LARGE1: variants seen among roughly 807,000 people sequenced by gnomAD.
LARGE1 encodes the protein xylosyl- and glucuronyltransferase LARGE1.
LARGE1 carries 43 observed loss-of-function variants against 87.6 expected under a neutral mutation model. The ratio of observed to expected loss-of-function variants is 0.49; its 90% CI spans 0.38 to 0.63. LARGE1 has a LOEUF of 0.63. LARGE1 is among the 30% of genes least tolerant of loss of function. The pLI, the probability that LARGE1 is intolerant of heterozygous loss-of-function variation, is 0.00. For synonymous variants in LARGE1, 434 were observed against 394.6 expected (o/e 1.10, Z -1.18); for missense variants, 802 against 1,000.2 (o/e 0.80, Z 2.67).
intron 2 of LARGE1, among the ~76,000 whole-genome samples, chr22:33,651,225 C>CAAAGAAAAAAAAAAAAAA (rs2080796120): frequency 1.8e-5 from 1 of 56,574 alleles, no homozygotes; most frequent in East Asian, 4.6e-4. Flanking sequence ...ACTAAAAATA[C>CAAAGAAAAAAAAAAAAAA]AAAAAAAAAA....
intron 10 of LARGE1, among the ~76,000 whole-genome samples, chr22:33,330,525 A>C (rs1937596515): frequency 2.6e-5 from 4 of 152,156 alleles, no homozygotes; most frequent in African/African-American, 9.7e-5. Flanking sequence ...GTTGTTGAGG[A>C]AAAGGGAGAG....
chr22:33,400,418 C>A (rs1205219419), intron 7 of LARGE1, among the ~76,000 whole-genome samples: 1 of 152,200 alleles, frequency 6.6e-6, no homozygotes, highest in East Asian at 1.9e-4. Flanking sequence ...GGGTCTGACA[C>A]CCCATGGGCT....
At chr22:33,371,272 A>G (rs1228437547) in intron 9 of LARGE1, among the ~76,000 whole-genome samples, 1 of 152,168 alleles carries the variant, frequency 6.6e-6, no homozygotes, top group Non-Finnish European at 1.5e-5. Context: ...CTGTGACTTA[A>G]ATAAAACTTT....
intron 1 of LARGE1, among the ~76,000 whole-genome samples, chr22:33,900,315 T>G (rs567940020): frequency 6.6e-6 from 1 of 152,326 alleles, no homozygotes; most frequent in African/African-American, 2.4e-5. Flanking sequence ...CACTCTACGT[T>G]TCCACCAAAC....
intron 1 of LARGE1, among the ~76,000 whole-genome samples, chr22:33,815,821 T>C (rs2086632564): frequency 1.3e-5 from 2 of 152,264 alleles, no homozygotes; most frequent in South Asian, 4.1e-4. Flanking sequence ...TGCAGTCTCA[T>C]GCATCTGCAG....
chr22:33,647,942 A>C (rs1465898157), intron 3 of LARGE1, among the ~76,000 whole-genome samples: 2 of 152,132 alleles, frequency 1.3e-5, no homozygotes, highest in East Asian at 3.9e-4. Flanking sequence ...TATTTTTAGT[A>C]GAGACGGGGT....
chr22:33,548,137 G>C (rs976087945), intron 6 of LARGE1, among the ~76,000 whole-genome samples: 52 of 152,138 alleles, frequency 3.4e-4, no homozygotes, highest in African/African-American at 1.2e-3. Flanking sequence ...TGGTTCACTG[G>C]GGTGGATCCT....
At chr22:33,611,694 G>GT (rs1345985309) in intron 4 of LARGE1, among the ~76,000 whole-genome samples, 1 of 152,210 alleles carries the variant, frequency 6.6e-6, no homozygotes, top group African/African-American at 2.4e-5. Flanking sequence ...AGTTTGAAAT[G>GT]TGAGGAGGAC....
At chr22:33,764,983 T>C (rs2084854523) in intron 1 of LARGE1, among the ~76,000 whole-genome samples, 2 of 152,184 alleles carry the variant, frequency 1.3e-5, no homozygotes, top group South Asian at 2.1e-4. Context: ...TATCACAACA[T>C]TAAAATCACA....
intron 5 of LARGE1, among the ~76,000 whole-genome samples, chr22:33,587,496 A>G (rs1408610721): frequency 6.6e-6 from 1 of 152,010 alleles, no homozygotes; most frequent in Non-Finnish European, 1.5e-5. Flanking sequence ...ATATTTGTAT[A>G]TTTTTACCAT....
At chr22:33,477,113 C>T (rs1410093120) in intron 6 of LARGE1, among the ~76,000 whole-genome samples, 1 of 152,224 alleles carries the variant, frequency 6.6e-6, no homozygotes, top group Non-Finnish European at 1.5e-5. Context: ...CAAAGTGCCA[C>T]TGGTGACAAG....
At chr22:33,629,687 T>C (rs139386517) in intron 3 of LARGE1, among the ~76,000 whole-genome samples, 158 of 152,284 alleles carry the variant, frequency 1.0e-3, no homozygotes, top group African/African-American at 3.6e-3. Context: ...AAAAATGGTT[T>C]TGTCATGTGA....
intron 9 of LARGE1, among the ~76,000 whole-genome samples, chr22:33,379,959 T>C (rs1267733943): frequency 6.6e-6 from 1 of 152,188 alleles, no homozygotes; most frequent in Non-Finnish European, 1.5e-5. Context: ...AATAGATTTC[T>C]TATAATACCA....
chr22:33,662,080 A>AG, intron 2 of LARGE1, among the ~76,000 whole-genome samples: 1 of 149,552 alleles, frequency 6.7e-6, no homozygotes, highest in Non-Finnish European at 1.5e-5. Context: ...AGGAGCCAAA[A>AG]AAAAAAAAAA....
At chr22:33,121,558 G>A in the LARGE1 span, among the ~76,000 whole-genome samples, 2 of 152,168 alleles carry the variant, frequency 1.3e-5, no homozygotes, top group African/African-American at 4.8e-5. Flanking sequence ...TAGTCTGAGT[G>A]GGCTGGAGTG....
In LARGE1 at chr22:33,394,388, C is replaced by T. The variant is rs557186882; in HGVS notation, c.893-10084G>A. Among the ~76,000 whole-genome samples, 24 of 152,114 alleles carry T rather than the reference C, an allele frequency of 1.6e-4. 1 individual carries two copies. Among genetic ancestry groups the T allele is most frequent in the Admixed American group, 9.8e-4 (15 of 15,268 alleles). ...TAATTTTTTGTATTTTTAGTAGAGA[C>T]GGGGTTTCACCATGTTGGCCAGGCT... On this transcript the variant is annotated intron_variant, in intron 7 of 14. Transcript: ENST00000397394.
chr22:33,677,710 C>A (rs2081623922), intron 2 of LARGE1, among the ~76,000 whole-genome samples: 1 of 152,090 alleles, frequency 6.6e-6, no homozygotes, highest in African/African-American at 2.4e-5. Flanking sequence ...GACATGGGAA[C>A]AAGGATGCCT....
At chr22:33,300,152 C>A (rs1933946358) in intron 12 of LARGE1, among the ~76,000 whole-genome samples, 1 of 152,158 alleles carries the variant, frequency 6.6e-6, no homozygotes. Flanking sequence ...GTAACCTGGC[C>A]CCTTCGACAG....
the LARGE1 span, among the ~76,000 whole-genome samples, chr22:33,082,842 G>A: frequency 1.3e-5 from 2 of 152,146 alleles, no homozygotes; most frequent in South Asian, 2.1e-4. Context: ...TGGCTAACAC[G>A]GTGAAACCCC....
Sources: gnomAD v4.1 joint callset for allele counts (sites outside exome capture counted in the v4.1 genomes callset) on GRCh38, gnomAD v4.1.1 for gene constraint, MANE v1.5 for transcripts, NCBI Gene and HGNC (gene_info 2026-07-23, HGNC 2026-07-21) for gene names.